KDM4C: variants seen among roughly 807,000 people sequenced by gnomAD.
The protein encoded by KDM4C is lysine demethylase 4C, also known as lysine-specific demethylase 4C.
Under a neutral mutation model 129.3 loss-of-function variants are expected in KDM4C, and 81 were observed. That is an observed-to-expected ratio of 0.63 (90% CI 0.52 to 0.75). KDM4C has a LOEUF of 0.75. KDM4C is among the 30% of genes least tolerant of loss of function. The pLI is 0.00. For missense variants in KDM4C, 1,457 were observed against 1,304.0 expected, an observed-to-expected ratio of 1.12 and a Z score of -1.81; for synonymous variants, 573 against 456.1, an observed-to-expected ratio of 1.26 and a Z score of -3.26.
chr9:6,942,306 T>TGTGTGA (rs1424520120), intron 8 of KDM4C, among the ~76,000 whole-genome samples: 10 of 151,736 alleles, frequency 6.6e-5, no homozygotes, highest in African/African-American at 2.2e-4. Context: ...TGTGTGTGTG[T>TGTGTGA]GTGTGTGTGT....
intron 19 of KDM4C, among the ~76,000 whole-genome samples, chr9:7,159,931 A>C (rs146334589): frequency 0.011 from 1,601 of 152,292 alleles, 28 homozygotes; most frequent in African/African-American, 0.036. Context: ...AGTGTTTTCC[A>C]ACTTGGTTCT....
chr9:6,863,731 C>T (rs961331581), intron 5 of KDM4C, among the ~76,000 whole-genome samples: 8 of 148,230 alleles, frequency 5.4e-5, no homozygotes, highest in Non-Finnish European at 8.9e-5. Context: ...GGAGGCAGAG[C>T]TTGCAGTGAG....
intron 6 of KDM4C, among the ~76,000 whole-genome samples, chr9:6,882,811 T>C (rs1227069016): frequency 1.3e-5 from 2 of 149,024 alleles, no homozygotes; most frequent in East Asian, 2.0e-4. Flanking sequence ...TGTGTGCGCG[T>C]GTGCACGTGC....
chr9:6,755,241 C>A (rs1000899427), upstream of KDM4C, among the ~76,000 whole-genome samples: 1 of 152,016 alleles, frequency 6.6e-6, no homozygotes, highest in South Asian at 2.1e-4. Context: ...TGTGGTAGCA[C>A]GCGCCTGTAG....
intron 8 of KDM4C, among the ~76,000 whole-genome samples, chr9:6,960,423 G>C (rs1225982004): frequency 6.6e-6 from 1 of 151,632 alleles, no homozygotes; most frequent in Non-Finnish European, 1.5e-5. Context: ...GGAACTATAA[G>C]CTTGCATCAC....
At chr9:6,803,457 C>T (rs766640893) in intron 2 of KDM4C, among the ~76,000 whole-genome samples, 5 of 151,556 alleles carry the variant, frequency 3.3e-5, no homozygotes, top group African/African-American at 4.9e-5. Flanking sequence ...GTAGTCCCAG[C>T]TACTTGGGAG....
chr9:6,869,144 ATTCCCTTC>A (rs1297081364), intron 5 of KDM4C, among the ~76,000 whole-genome samples: 12 of 152,210 alleles, frequency 7.9e-5, no homozygotes, highest in African/African-American at 2.7e-4. Context: ...AAGCTTAGTT[ATTCCCTTC>A]TTGTAAGGAT....
chr9:7,031,224 G>A (rs994190443), intron 15 of KDM4C, among the ~76,000 whole-genome samples: 11 of 151,850 alleles, frequency 7.2e-5, no homozygotes, highest in Admixed American at 7.2e-4. Context: ...GTGCAGTGGT[G>A]TGATCTTGGT....
intron 8 of KDM4C, among the ~76,000 whole-genome samples, chr9:6,932,911 C>T (rs1464128836): frequency 6.6e-6 from 1 of 152,212 alleles, no homozygotes; most frequent in Non-Finnish European, 1.5e-5. Flanking sequence ...AGGAACTCTG[C>T]ACTACTGCAC....
intron 17 of KDM4C, among the ~76,000 whole-genome samples, chr9:7,055,321 C>G (rs1302046493): frequency 6.6e-6 from 1 of 152,134 alleles, no homozygotes; most frequent in African/African-American, 2.4e-5. Flanking sequence ...TTTCTGCAAC[C>G]AAATAGAGGG....
intron 17 of KDM4C, among the ~76,000 whole-genome samples, chr9:7,055,617 C>T (rs1587308212): frequency 6.6e-6 from 1 of 152,154 alleles, no homozygotes; most frequent in Non-Finnish European, 1.5e-5. Flanking sequence ...TATATCAATT[C>T]TGAAAATAGA....
At chr9:7,016,662 T>C (rs1823753209) in intron 15 of KDM4C, among the ~76,000 whole-genome samples, 2 of 150,692 alleles carry the variant, frequency 1.3e-5, no homozygotes, top group Non-Finnish European at 1.5e-5. Flanking sequence ...CTGACCTCAT[T>C]TGATCCACCT....
chr9:6,918,519 C>T (rs1820745646), intron 8 of KDM4C, among the ~76,000 whole-genome samples: 1 of 152,032 alleles, frequency 6.6e-6, no homozygotes, highest in Non-Finnish European at 1.5e-5. Flanking sequence ...CATTTCTTTT[C>T]TTTTGGGTAT....
chr9:6,778,581 A>T (rs1229633269), intron 1 of KDM4C, among the ~76,000 whole-genome samples: 1 of 149,902 alleles, frequency 6.7e-6, no homozygotes, highest in Non-Finnish European at 1.5e-5. Flanking sequence ...AGCCTGACCA[A>T]CATGGTGAAA....
At chr9:6,971,924 A>G (rs113979058) in intron 8 of KDM4C, among the ~76,000 whole-genome samples, 68 of 152,336 alleles carry the variant, frequency 4.5e-4, no homozygotes, top group Middle Eastern at 6.8e-3. Flanking sequence ...TGGGCTAGCC[A>G]TCATTCAACT....
intron 1 of KDM4C, among the ~76,000 whole-genome samples, chr9:6,751,850 A>G (rs968758756): frequency 1.3e-5 from 2 of 152,216 alleles, no homozygotes; most frequent in Non-Finnish European, 2.9e-5. Flanking sequence ...CAGAGCAATT[A>G]GGTAGGGAGA....
At chr9:6,903,673 C>G (rs1817788308) in intron 8 of KDM4C, among the ~76,000 whole-genome samples, 1 of 152,152 alleles carries the variant, frequency 6.6e-6, no homozygotes, top group South Asian at 2.1e-4. Context: ...TGTCCATACA[C>G]TGTAATTTTT....
intron 8 of KDM4C, among the ~76,000 whole-genome samples, chr9:6,949,012 G>T (rs1245570970): frequency 6.6e-6 from 1 of 152,200 alleles, no homozygotes; most frequent in African/African-American, 2.4e-5. Context: ...CCTCCCAGAC[G>T]GGGTGGCGGC....
In KDM4C at chr9:6,940,929, G is replaced by T. The variant is rs181018639; in HGVS notation, c.922-39996G>T. On this transcript the variant is annotated intron_variant, in intron 8 of 21. Coordinates refer to ENST00000381309, the MANE Select transcript of KDM4C (RefSeq NM_015061.6). Reference sequence around the variant, plus strand: ...TCATTCTTTTTGGCTGCTCTACATTGGGTGAGCTTTGTGTAATATTTGTTC... The same window carrying T: ...TCATTCTTTTTGGCTGCTCTACATTTGGTGAGCTTTGTGTAATATTTGTTC... 4.6e-4 allele frequency among the ~76,000 whole-genome samples: 70 copies of T among 152,134 alleles called. No homozygotes were observed. The East Asian group carries it at 0.013, about 27-fold the overall frequency.
Sources: allele counts gnomAD v4.1 joint callset (sites outside exome capture counted in the v4.1 genomes callset), GRCh38; gene constraint gnomAD v4.1.1; transcripts MANE v1.5; gene names NCBI Gene and HGNC (gene_info 2026-07-23, HGNC 2026-07-21).